Variants in SRGAP2 observed in about 807,000 individuals in gnomAD.
The protein encoded by SRGAP2 is SLIT-ROBO Rho GTPase activating protein 2, also known as SLIT-ROBO Rho GTPase-activating protein 2.
Under a neutral mutation model 57.2 loss-of-function variants are expected in SRGAP2, and 15 were observed. The ratio of observed to expected loss-of-function variants is 0.26; its 90% CI spans 0.18 to 0.40. SRGAP2 has a LOEUF of 0.40. Among genes scored for constraint, SRGAP2 ranks in the 10% least tolerant of loss-of-function variants. SRGAP2 has a pLI of 1.00. For missense variants in SRGAP2, 520 were observed against 669.6 expected, an observed-to-expected ratio of 0.78 and a Z score of 2.47; for synonymous variants, 249 against 248.0, an observed-to-expected ratio of 1.00 and a Z score of -0.04.
Position 206,373,103 on chromosome 1 carries a change from T to C in SRGAP2, c.424-10911T>C, listed in dbSNP as rs137868019. Among the ~76,000 whole-genome samples the C allele has an allele frequency of 2.0e-4, 24 of 123,000 alleles. 1 individual carries two copies. The highest frequency in any genetic ancestry group is 3.6e-3 in the Middle Eastern group (1 of 280). The allele number at this position is 123,000 out of a possible 152,430, so 80.7% of individuals were successfully genotyped here. On this transcript the variant is annotated intron_variant, in intron 4 of 22. Coordinates refer to ENST00000573034, the MANE Select transcript of SRGAP2 (RefSeq NM_015326.5). ...TTCTTTCTGTCCTTTTTTTTTCTTT[T>C]TTTTTTTTTTTTTTCTGAGTCTTGC...
Position 206,461,499 on chromosome 1 carries a change from G to A in SRGAP2, c.*79G>A. ...TAAAATCTTCCTATTTAACTAGCTTGGGGACTTCAGTTGAAAATTAGGTTC... is the reference window on the plus strand; with the variant it reads ...TAAAATCTTCCTATTTAACTAGCTTAGGGACTTCAGTTGAAAATTAGGTTC... On this transcript the variant is annotated 3_prime_UTR_variant, in exon 23 of 23. Coordinates refer to ENST00000573034, the MANE Select transcript of SRGAP2 (RefSeq NM_015326.5). 1 of 658,262 alleles carries A rather than the reference G, an allele frequency of 1.5e-6. No individual in the cohort carries two copies. The highest frequency in any genetic ancestry group is 2.8e-6 in the Non-Finnish European group (1 of 358,926). 40.8% of individuals were successfully genotyped at this position (658,262 alleles called of 1,614,324 possible). A position where few individuals can be genotyped will look rare whatever the true frequency, so the allele number is the denominator to read the frequency against.
chr1:206,443,419 A>G (rs1259250991), intron 17 of SRGAP2, among the ~76,000 whole-genome samples: 4 of 152,102 alleles, frequency 2.6e-5, no homozygotes, highest in African/African-American at 4.8e-5. Flanking sequence ...TTGTCCCCCA[A>G]GCTGGAGTGC....
chr1:206,341,307 A>G (rs1183986890), intron 3 of SRGAP2, among the ~76,000 whole-genome samples: 3 of 152,230 alleles, frequency 2.0e-5, no homozygotes, highest in Non-Finnish European at 4.4e-5. Context: ...AGCAGGGAAG[A>G]GAGGAAAGGG....
chr1:206,429,301 C>G (rs1350689567), intron 13 of SRGAP2, among the ~76,000 whole-genome samples: 2 of 152,226 alleles, frequency 1.3e-5, no homozygotes, highest in African/African-American at 4.8e-5. Flanking sequence ...TACCTTTATA[C>G]CAAACAAACC....
In SRGAP2 at chr1:206,453,210, C is replaced by T; in HGVS notation, c.2190C>T (p.Pro730=). Residue 730 remains proline (P), a synonymous_variant, in exon 20 of 23, where the codon CCC becomes CCT. Coordinates refer to ENST00000573034, the MANE Select transcript of SRGAP2 (RefSeq NM_015326.5). ...TTCCACCCTTCTCAGAATGTGAGCC[C>T]ATCGAGGCCATTGCCAAGTTTGACT... ...EHHTSDDECE[P]IEAIAKFDYV... is the part of the protein sequence containing the mutation. The T allele has an allele frequency of 1.8e-6, 1 of 549,440 alleles. No homozygotes were observed. The highest frequency in any genetic ancestry group is 3.2e-5 in the East Asian group (1 of 30,982). The allele number at this position is 549,440 out of a possible 1,614,324, so 34.0% of individuals were successfully genotyped here.
chr1:206,309,702 G>A (rs1553323341), intron 3 of SRGAP2, among the ~76,000 whole-genome samples: 2 of 151,952 alleles, frequency 1.3e-5, no homozygotes, highest in Non-Finnish European at 2.9e-5. Context: ...CGTTTTGGGT[G>A]TAGAGCAGTA....
At chr1:206,248,216 A>G (rs1279813365) in intron 2 of SRGAP2, among the ~76,000 whole-genome samples, 2 of 151,834 alleles carry the variant, frequency 1.3e-5, no homozygotes, top group African/African-American at 4.8e-5. Flanking sequence ...ATACCTTTTC[A>G]GTTACCCTCA....
chr1:206,281,911 C>CT (rs1491275884), intron 2 of SRGAP2, among the ~76,000 whole-genome samples: 5 of 133,680 alleles, frequency 3.7e-5, no homozygotes, highest in African/African-American at 1.3e-4. Context: ...GAGACTCCGT[C>CT]ACAAAAAAAA....
chr1:206,247,140 A>G (rs1668544913), intron 2 of SRGAP2, among the ~76,000 whole-genome samples: 1 of 146,834 alleles, frequency 6.8e-6, no homozygotes, highest in African/African-American at 2.5e-5. Context: ...ACTTCCACCT[A>G]TAGAGGTGGC....
chr1:206,427,743 G>A (rs1472809901), intron 13 of SRGAP2, among the ~76,000 whole-genome samples: 1 of 152,166 alleles, frequency 6.6e-6, no homozygotes, highest in African/African-American at 2.4e-5. Flanking sequence ...TTCTAGTTAA[G>A]TTCGGTCCCC....
At chr1:206,303,909 C>T (rs1284633589) in intron 3 of SRGAP2, among the ~76,000 whole-genome samples, 2 of 151,906 alleles carry the variant, frequency 1.3e-5, no homozygotes, top group Non-Finnish European at 2.9e-5. Flanking sequence ...CACACACACA[C>T]ACACACACAC....
intron 4 of SRGAP2, among the ~76,000 whole-genome samples, chr1:206,355,961 C>T (rs1472623316): frequency 6.0e-5 from 9 of 150,662 alleles, no homozygotes; most frequent in African/African-American, 1.7e-4. Context: ...AGCAAAACTC[C>T]GACTCAAAAA....
chr1:206,455,180 G>T (rs782632471), intron 21 of SRGAP2, 156 bp downstream of exon 21: 6 of 707,026 alleles, frequency 8.5e-6, no homozygotes, highest in Non-Finnish European at 1.3e-5. Flanking sequence ...CTGCAAGGCG[G>T]ACAGGGCTGA....
intron 3 of SRGAP2, among the ~76,000 whole-genome samples, chr1:206,321,230 T>C (rs1571850643): frequency 7.0e-6 from 1 of 143,344 alleles, no homozygotes; most frequent in East Asian, 2.0e-4. Flanking sequence ...TTCCTTATTA[T>C]TAGATTCAAG....
intron 7 of SRGAP2, among the ~76,000 whole-genome samples, chr1:206,397,552 C>T (rs562015182): frequency 1.4e-4 from 20 of 147,688 alleles, no homozygotes; most frequent in Non-Finnish European, 1.8e-4. Context: ...GACTAGCCTC[C>T]GACTTCTTTT....
intron 3 of SRGAP2, among the ~76,000 whole-genome samples, chr1:206,334,995 G>T (rs1241569840): frequency 2.0e-5 from 3 of 150,650 alleles, no homozygotes; most frequent in African/African-American, 7.5e-5. Flanking sequence ...GGATCCAACT[G>T]TCAACATGAT....
intron 2 of SRGAP2, among the ~76,000 whole-genome samples, chr1:206,260,943 C>T (rs559034836): frequency 2.0e-5 from 3 of 152,348 alleles, no homozygotes; most frequent in South Asian, 2.1e-4. Flanking sequence ...GATGATGAAT[C>T]TGACATCCCT....
intron 2 of SRGAP2, among the ~76,000 whole-genome samples, chr1:206,249,935 CA>C (rs1668738594): frequency 6.8e-6 from 1 of 146,596 alleles, no homozygotes; most frequent in Non-Finnish European, 1.5e-5. Context: ...AGAAGGTGCT[CA>C]GTAAATATTT....
intron 21 of SRGAP2, among the ~76,000 whole-genome samples, chr1:206,457,325 G>A (rs1478926790): frequency 6.6e-6 from 1 of 152,174 alleles, no homozygotes. Context: ...AAAAGACGAG[G>A]TCCCTGATCT....
Sources: allele counts gnomAD v4.1 joint callset (sites outside exome capture counted in the v4.1 genomes callset), GRCh38; gene constraint gnomAD v4.1.1; transcripts MANE v1.5; gene names NCBI Gene and HGNC (gene_info 2026-07-23, HGNC 2026-07-21).